Variants in ARHGAP24 observed in about 807,000 individuals in gnomAD.
ARHGAP24 encodes the protein Rho GTPase activating protein 24, also known as rho GTPase-activating protein 24.
In ARHGAP24, 50 loss-of-function variants were observed where a neutral mutation model predicts 76.4. The observed-to-expected ratio is 0.65, with a 90% confidence interval of 0.52 to 0.83. ARHGAP24 has a LOEUF of 0.83. ARHGAP24 is among the 40% of genes least tolerant of loss of function. The pLI is 0.00. For missense variants in ARHGAP24, 930 were observed against 914.2 expected (o/e 1.02, Z -0.22); for synonymous variants, 345 against 323.3 (o/e 1.07, Z -0.72).
intron 3 of ARHGAP24, among the ~76,000 whole-genome samples, chr4:85,788,154 G>A (rs559661936): frequency 1.3e-5 from 2 of 152,196 alleles, no homozygotes; most frequent in Admixed American, 6.5e-5. Flanking sequence ...GCCTATGTGC[G>A]CAGGAGATGA....
intron 3 of ARHGAP24, among the ~76,000 whole-genome samples, chr4:85,747,649 G>C (rs1049008243): frequency 1.3e-4 from 20 of 152,204 alleles, no homozygotes; most frequent in African/African-American, 4.6e-4. Flanking sequence ...CTTGCAGTGA[G>C]CCGAGATTGT....
chr4:85,850,832 G>C (rs1282018507), intron 3 of ARHGAP24, among the ~76,000 whole-genome samples: 1 of 152,120 alleles, frequency 6.6e-6, no homozygotes, highest in African/African-American at 2.4e-5. Context: ...TGTGATTTCT[G>C]TTCTTTTACA....
intron 1 of ARHGAP24, among the ~76,000 whole-genome samples, chr4:85,538,571 A>G (rs1429545078): frequency 6.6e-6 from 1 of 152,150 alleles, no homozygotes; most frequent in Non-Finnish European, 1.5e-5. Flanking sequence ...TGTATTCTCT[A>G]CTGGTATAAT....
At chr4:85,505,756 T>C (rs995168681) in intron 1 of ARHGAP24, among the ~76,000 whole-genome samples, 3 of 152,150 alleles carry the variant, frequency 2.0e-5, no homozygotes, top group African/African-American at 7.2e-5. Flanking sequence ...TCCATCCAGC[T>C]TTGTTCCATT....
chr4:85,707,477 A>G (rs17010642), intron 2 of ARHGAP24, among the ~76,000 whole-genome samples: 2,056 of 152,302 alleles, frequency 0.013, 50 homozygotes, highest in African/African-American at 0.045. Context: ...AATATGCTCC[A>G]TTGATTCTTT....
intron 6 of ARHGAP24, 133 bp downstream of exon 6, chr4:85,972,301 A>T (rs1739033435): frequency 8.6e-7 from 1 of 1,168,858 alleles, no homozygotes; most frequent in Non-Finnish European, 1.2e-6. Flanking sequence ...GACCTCACAC[A>T]CACTGAGACT....
At chr4:85,761,938 T>C (rs1224311198) in intron 3 of ARHGAP24, among the ~76,000 whole-genome samples, 2 of 152,312 alleles carry the variant, frequency 1.3e-5, no homozygotes, top group East Asian at 3.9e-4. Flanking sequence ...AACCGCTGTA[T>C]TATGATCAAC....
At chr4:85,721,654 G>T (rs751238102) in intron 2 of ARHGAP24, among the ~76,000 whole-genome samples, 31 of 152,122 alleles carry the variant, frequency 2.0e-4, no homozygotes, top group Admixed American at 1.8e-3. Context: ...GAATCTAGCA[G>T]CTAACATACA....
chr4:85,880,837 C>T (rs71599431), intron 3 of ARHGAP24, among the ~76,000 whole-genome samples: 12,334 of 152,240 alleles, frequency 0.081, 614 homozygotes, highest in Middle Eastern at 0.12. Flanking sequence ...TGGCCTTAAC[C>T]TTTGCAGTTT....
chr4:85,985,416 G>A (rs143526354), intron 8 of ARHGAP24, among the ~76,000 whole-genome samples: 268 of 152,226 alleles, frequency 1.8e-3, no homozygotes, highest in African/African-American at 6.1e-3. Context: ...TCACTTATAG[G>A]TGGGTGCTAA....
chr4:85,923,868 T>A, intron 4 of ARHGAP24, 98 bp downstream of exon 4: 6 of 1,535,858 alleles, frequency 3.9e-6, no homozygotes, highest in Non-Finnish European at 5.4e-6. Context: ...TGTATTCAAG[T>A]GGGTGAATGT....
At chr4:85,989,798 T>G (rs554775931) in intron 8 of ARHGAP24, among the ~76,000 whole-genome samples, 4 of 145,386 alleles carry the variant, frequency 2.8e-5, no homozygotes, top group African/African-American at 1.1e-4. Flanking sequence ...CGGATGCAGA[T>G]AAAAAAATTG....
chr4:85,769,401 A>G (rs1270244091), intron 3 of ARHGAP24, among the ~76,000 whole-genome samples: 1 of 152,184 alleles, frequency 6.6e-6, no homozygotes, highest in Non-Finnish European at 1.5e-5. Context: ...TTGTGGGAAA[A>G]GAAGACACAT....
At chr4:85,781,871 T>C (rs1727572068) in intron 3 of ARHGAP24, among the ~76,000 whole-genome samples, 1 of 151,426 alleles carries the variant, frequency 6.6e-6, no homozygotes, top group African/African-American at 2.4e-5. Context: ...CCATCTCTAC[T>C]ACAAAAAATA....
chr4:85,800,272 G>GAA lies in ARHGAP24; in HGVS notation c.268+78304_268+78305dup, dbSNP rs200703602. 9.9e-3 allele frequency among the ~76,000 whole-genome samples: 1,506 copies of GAA among 152,232 alleles called. 28 individuals carry two copies. Among genetic ancestry groups the GAA allele is most frequent in the African/African-American group, 0.034 (1,407 of 41,528 alleles). The stretch of plus-strand genomic sequence containing the variant: ...TTTCAAAATTTGTAAAGCTTAAAGA[G>GAA]AAAAATGTTTCCCAGGTTATTGTGA... On this transcript the variant is annotated intron_variant, in intron 3 of 9. Transcript: ENST00000395184.
chr4:85,783,176 T>C (rs2110086607), intron 3 of ARHGAP24, among the ~76,000 whole-genome samples: 1 of 152,314 alleles, frequency 6.6e-6, no homozygotes, highest in East Asian at 1.9e-4. Context: ...CAAGTGTTAT[T>C]CTATAACCCC....
At chr4:85,737,541 G>A (rs755050064) in intron 3 of ARHGAP24, among the ~76,000 whole-genome samples, 6 of 152,144 alleles carry the variant, frequency 3.9e-5, no homozygotes, top group Admixed American at 6.6e-5. Context: ...TATGTTAATC[G>A]TGGCTGAAAA....
chr4:85,683,117 T>TGGGGGGGGGGG (rs201448168), intron 2 of ARHGAP24, among the ~76,000 whole-genome samples: 19 of 56,936 alleles, frequency 3.3e-4, no homozygotes, highest in Non-Finnish European at 5.3e-4. Flanking sequence ...TGTGGGGGGG[T>TGGGGGGGGGGG]GGGGGGGGGG....
chr4:85,607,663 G>A (rs980123276), intron 2 of ARHGAP24, among the ~76,000 whole-genome samples: 2 of 149,374 alleles, frequency 1.3e-5, no homozygotes, highest in African/African-American at 5.0e-5. Flanking sequence ...AAACTGTCAA[G>A]CATTATTTTC....
Sources: gnomAD v4.1 joint callset for allele counts (sites outside exome capture counted in the v4.1 genomes callset) on GRCh38, gnomAD v4.1.1 for gene constraint, MANE v1.5 for transcripts, NCBI Gene and HGNC (gene_info 2026-07-23, HGNC 2026-07-21) for gene names.